MASP1: variants seen among roughly 807,000 people sequenced by gnomAD.
MASP1 encodes mannan-binding lectin serine protease 1.
MASP1 carries 59 observed loss-of-function variants against 77.1 expected under a neutral mutation model. That is an observed-to-expected ratio of 0.77 (90% CI 0.62 to 0.95). The LOEUF is 0.95. Among genes scored for constraint, MASP1 ranks in the 40% least tolerant of loss-of-function variants. The pLI, the probability that MASP1 is intolerant of heterozygous loss-of-function variation, is 0.00. For synonymous variants in MASP1, 362 were observed against 354.5 expected (o/e 1.02, Z -0.24); for missense variants, 885 against 912.9 (o/e 0.97, Z 0.39).
At chr3:187,241,722 G>C (rs1022499872) in intron 9 of MASP1, 167 bp from the exon 10 acceptor site, 2 of 587,020 alleles carry the variant, frequency 3.4e-6, no homozygotes, top group Non-Finnish European at 6.2e-6. Flanking sequence ...GTACTAAGAA[G>C]AATGAGGAAG....
chr3:187,250,692 G>A (rs1473768025), intron 7 of MASP1, among the ~76,000 whole-genome samples: 2 of 152,162 alleles, frequency 1.3e-5, no homozygotes, highest in Admixed American at 6.5e-5. Flanking sequence ...CTCCCCCAGA[G>A]TTTCTGATTC....
rs1713573927 is a variant in MASP1 at position 187,240,791 on chromosome 3, C to T, written c.1303+690G>A. Among the ~76,000 whole-genome samples the T allele has an allele frequency of 1.3e-5, 2 of 152,232 alleles. 1 individual carries two copies. Among genetic ancestry groups the T allele is most frequent in the South Asian group, 4.2e-4 (2 of 4,816 alleles). ...GGATTACAGATGCACACCACCACGA[C>T]TGGCTAATTTTTTTTTCTATTTTTA... On this transcript the variant is annotated intron_variant, in intron 10 of 10. Transcript: ENST00000296280.
chr3:187,223,868 A>G (rs1712216396), intron 13 of MASP1, among the ~76,000 whole-genome samples: 1 of 152,222 alleles, frequency 6.6e-6, no homozygotes, highest in South Asian at 2.1e-4. Flanking sequence ...TCTGCTTCAT[A>G]CAAGCTGCAT....
intron 1 of MASP1, 141 bp downstream of exon 1, chr3:187,291,486 GC>G: frequency 1.8e-6 from 2 of 1,138,242 alleles, no homozygotes; most frequent in South Asian, 2.6e-5. Context: ...CCTTCTCAGA[GC>G]CCTAAGAATT....
intron 5 of MASP1, 153 bp downstream of exon 5, chr3:187,256,511 T>C: frequency 1.3e-6 from 1 of 747,018 alleles, no homozygotes; most frequent in Non-Finnish European, 2.3e-6. Flanking sequence ...CTAACTAAGA[T>C]GGTAGATATT....
At chr3:187,222,756 T>G (rs1413326803) in intron 14 of MASP1, among the ~76,000 whole-genome samples, 1 of 151,904 alleles carries the variant, frequency 6.6e-6, no homozygotes, top group Non-Finnish European at 1.5e-5. Context: ...CTGCAAGGAC[T>G]GTGGTTCTCA....
At position 187,247,230 on chromosome 3, in the gene MASP1, G is replaced by GC. The variant is rs1714162335; in HGVS notation, c.1090+3020dup. On this transcript the variant is annotated intron_variant, in intron 8 of 10. Coordinates refer to ENST00000296280, the MANE Select transcript of MASP1 (RefSeq NM_139125.4). ...CCCATTCTAATCCACATGGAAAGGG[G>GC]CACGGGGGTGTTGTGGGTGGGGAGG... is the stretch of plus-strand genomic sequence containing the variant. 1.9e-6 allele frequency: 3 copies of GC among 1,602,064 alleles called. No individual in the cohort carries two copies. The South Asian group carries it at 3.3e-5, about 18-fold the overall frequency.
At chr3:187,242,974 G>A (rs942215698) in intron 9 of MASP1, 11 of 200,472 alleles carry the variant, frequency 5.5e-5, no homozygotes, top group African/African-American at 2.1e-4. Flanking sequence ...ACCAGGGGAA[G>A]AGGTCTTTGA....
At chr3:187,259,202 C>T (rs1333133122) in intron 4 of MASP1, among the ~76,000 whole-genome samples, 2 of 152,116 alleles carry the variant, frequency 1.3e-5, no homozygotes, top group African/African-American at 2.4e-5. Flanking sequence ...AATGTTTCTA[C>T]GCCCTTGTTC....
intron 12 of MASP1, chr3:187,226,177 C>T (rs1429268349): frequency 7.2e-6 from 4 of 553,210 alleles, no homozygotes; most frequent in East Asian, 6.4e-5. Context: ...GAGGCCTCCT[C>T]ATTTTATCGT....
In MASP1 at chr3:187,286,072, G is replaced by T; in HGVS notation, c.6-16C>A. On this transcript the variant is annotated splice_polypyrimidine_tract_variant and intron_variant, in intron 1 of 10. Transcript: ENST00000296280. ...AAGCAGCCACCTGAAAGACATGAAT[G>T]TAGGTCTACTTACATTTATAAACAC... The T allele has an allele frequency of 6.3e-7, 1 of 1,593,200 alleles. No homozygotes were observed. The highest frequency in any genetic ancestry group is 8.6e-7 in the Non-Finnish European group (1 of 1,161,216).
intron 2 of MASP1, among the ~76,000 whole-genome samples, chr3:187,271,426 A>G (rs932730363): frequency 3.3e-5 from 5 of 152,258 alleles, no homozygotes; most frequent in African/African-American, 1.2e-4. Context: ...CTAGAGAAAT[A>G]AGTTAGCATT....
chr3:187,235,871 G>T lies in MASP1; in HGVS notation c.2000C>A (p.Ala667Asp). Residue 667 changes from alanine (A) to aspartate (D), a missense_variant, in exon 11 of 11, where the codon GCC becomes GAC. Transcript: ENST00000296280. ...GCTCAAGTCATCAAAGATGACAAAG[G>T]CCCCACCGCTATCTCCAAGGCACGT... ...KDTCLGDSGG[A>D]FVIFDDLSQR... 6.2e-7 allele frequency: 1 copy of T among 1,614,084 alleles called. No individual in the cohort carries two copies. Among genetic ancestry groups the T allele is most frequent in the Non-Finnish European group, 8.5e-7 (1 of 1,180,006 alleles).
At position 187,221,107 on chromosome 3, in the gene MASP1, T is replaced by A. The variant is rs754435083; in HGVS notation, c.1837A>T (p.Thr613Ser). ...AGCGGGGCATAAGCCTTCTGGCAGG[T>A]GCTGTGGTCAACAATCGGGATTTCA... Residue 613 changes from threonine to serine, a missense_variant, in exon 15 of 16, where the codon ACC (threonine) becomes TCC (serine). Physicochemically the swap from Thr to Ser is moderately conservative, Grantham distance 58 (BLOSUM62 1). Coordinates refer to the MASP1 transcript ENST00000337774. The A allele has an allele frequency of 2.5e-6, 4 of 1,614,126 alleles. No individual in the cohort carries two copies. The South Asian group carries it at 4.4e-5, about 18-fold the overall frequency.
chr3:187,241,912 C>T, intron 9 of MASP1: 1 of 290,284 alleles, frequency 3.4e-6, no homozygotes. Flanking sequence ...TCACGAATGG[C>T]TTGCTGTCAC....
At chr3:187,290,329 T>G (rs947213077) in intron 1 of MASP1, among the ~76,000 whole-genome samples, 5 of 152,070 alleles carry the variant, frequency 3.3e-5, no homozygotes, top group Admixed American at 2.6e-4. Context: ...AGAAGGTTGC[T>G]CCAGGTTGAG....
At chr3:187,260,443 A>C (rs974858186) in intron 4 of MASP1, among the ~76,000 whole-genome samples, 11 of 152,200 alleles carry the variant, frequency 7.2e-5, no homozygotes, top group African/African-American at 2.7e-4. Flanking sequence ...TTTTCCCCTA[A>C]CTTGACCAGA....
chr3:187,253,946 T>C (rs563069733), intron 5 of MASP1, among the ~76,000 whole-genome samples: 2 of 152,098 alleles, frequency 1.3e-5, no homozygotes, highest in South Asian at 2.1e-4. Flanking sequence ...CCGTGGCACA[T>C]GTATACCTAT....
At chr3:187,243,685 G>T in intron 8 of MASP1, 64 bp from the exon 9 acceptor site, 2 of 1,592,282 alleles carry the variant, frequency 1.3e-6, no homozygotes, top group Non-Finnish European at 1.7e-6. Flanking sequence ...CTATCTGATG[G>T]ATCTATCTCA....
Sources: allele counts gnomAD v4.1 joint callset (sites outside exome capture counted in the v4.1 genomes callset), GRCh38; gene constraint gnomAD v4.1.1; transcripts MANE v1.5; gene names NCBI Gene and HGNC (gene_info 2026-07-23, HGNC 2026-07-21).